Variants in PVT1 observed in about 807,000 individuals in gnomAD.
PVT1 encodes Pvt1 oncogene, also known as CXCR4/PVT1 fusion.
intron 2 of PVT1, among the ~76,000 whole-genome samples, chr8:127,875,751 G>A (rs1038749904): frequency 3.3e-5 from 5 of 152,150 alleles, no homozygotes; most frequent in African/African-American, 1.2e-4. Flanking sequence ...CAAGCTTCTA[G>A]CAACTGCTTC....
intron 4 of PVT1, among the ~76,000 whole-genome samples, chr8:127,990,014 G>C: frequency 6.6e-6 from 1 of 152,202 alleles, no homozygotes; most frequent in Non-Finnish European, 1.5e-5. Context: ...CTCCAAAAGG[G>C]AAGAGAGTTT....
intron 3 of PVT1, among the ~76,000 whole-genome samples, chr8:127,951,881 T>C (rs1475688370): frequency 6.6e-6 from 1 of 151,706 alleles, no homozygotes; most frequent in Admixed American, 6.6e-5. Context: ...AGTGGCATGA[T>C]CTCGGCTTAC....
At chr8:127,804,538 A>ATTTT (rs35404021) in intron 2 of PVT1, among the ~76,000 whole-genome samples, 4 of 112,706 alleles carry the variant, frequency 3.5e-5, no homozygotes, top group African/African-American at 1.4e-4. Flanking sequence ...TTGCATCCTG[A>ATTTT]TTTTTTTTTT....
intron 4 of PVT1, among the ~76,000 whole-genome samples, chr8:128,052,530 G>GAAA (rs1332344504): frequency 6.6e-6 from 1 of 152,180 alleles, no homozygotes; most frequent in Non-Finnish European, 1.5e-5. Context: ...TTCATGGGTG[G>GAAA]TTGTTCAAAT....
intron 3 of PVT1, among the ~76,000 whole-genome samples, chr8:127,949,129 A>T (rs555715790): frequency 4.6e-5 from 7 of 152,182 alleles, no homozygotes; most frequent in Non-Finnish European, 1.0e-4. Context: ...AGTGGAGCAC[A>T]GAGCTGTTAA....
chr8:128,032,934 C>T (rs1361750502), intron 4 of PVT1, among the ~76,000 whole-genome samples: 1 of 152,190 alleles, frequency 6.6e-6, no homozygotes, highest in East Asian at 1.9e-4. Context: ...AGTGACCTCA[C>T]CACACTGAGT....
At chr8:127,859,044 G>A (rs10106520) in intron 2 of PVT1, among the ~76,000 whole-genome samples, 2,056 of 152,064 alleles carry the variant, frequency 0.014, 19 homozygotes, top group African/African-American at 0.025. Flanking sequence ...CAGAGCTCGA[G>A]TGATTCTCCC....
intron 4 of PVT1, among the ~76,000 whole-genome samples, chr8:128,066,141 C>T (rs1423455156): frequency 1.3e-5 from 2 of 152,192 alleles, no homozygotes; most frequent in Non-Finnish European, 2.9e-5. Context: ...TAGTAAATTC[C>T]ATGTGACCTG....
intron 4 of PVT1, among the ~76,000 whole-genome samples, chr8:128,025,622 G>A (rs543482601): frequency 2.0e-5 from 3 of 152,292 alleles, no homozygotes; most frequent in East Asian, 1.9e-4. Flanking sequence ...ATTTAAATTC[G>A]TGCAGAATCT....
intron 2 of PVT1, among the ~76,000 whole-genome samples, chr8:127,890,197 G>A (rs1003014346): frequency 2.6e-4 from 40 of 152,170 alleles, no homozygotes; most frequent in African/African-American, 9.4e-4. Flanking sequence ...AAACCCCTCA[G>A]CTCCCTGCAG....
intron 3 of PVT1, among the ~76,000 whole-genome samples, chr8:127,962,745 C>T (rs1280042655): frequency 1.3e-5 from 2 of 152,058 alleles, no homozygotes; most frequent in Non-Finnish European, 2.9e-5. Context: ...TACAGGGGCA[C>T]ACCACTGCAC....
At chr8:128,031,102 C>G (rs1369529862) in intron 4 of PVT1, among the ~76,000 whole-genome samples, 1 of 152,234 alleles carries the variant, frequency 6.6e-6, no homozygotes, top group South Asian at 2.1e-4. Context: ...ACACTGGGGT[C>G]GGCGCACCTG....
intron 2 of PVT1, among the ~76,000 whole-genome samples, chr8:127,812,926 T>C (rs1814614898): frequency 6.6e-6 from 1 of 152,026 alleles, no homozygotes; most frequent in Non-Finnish European, 1.5e-5. Context: ...TTTTATAGTC[T>C]GCAAGAGCCC....
intron 3 of PVT1, among the ~76,000 whole-genome samples, chr8:127,907,132 T>A (rs551793883): frequency 5.5e-4 from 83 of 152,226 alleles, no homozygotes; most frequent in Admixed American, 1.4e-3. Flanking sequence ...GGCTAATTTT[T>A]ATTTTTAATT....
intron 3 of PVT1, among the ~76,000 whole-genome samples, chr8:127,929,618 A>T (rs1439160299): frequency 6.6e-6 from 1 of 152,172 alleles, no homozygotes; most frequent in Non-Finnish European, 1.5e-5. Flanking sequence ...TACAAAAAAA[A>T]TTAGCCGGGC....
At chr8:127,906,803 G>A (rs973642844) in intron 3 of PVT1, among the ~76,000 whole-genome samples, 1 of 152,148 alleles carries the variant, frequency 6.6e-6, no homozygotes, top group African/African-American at 2.4e-5. Context: ...TGCCTACTAT[G>A]TGCCAGGATT....
At chr8:127,802,198 A>G (rs145388562) in intron 2 of PVT1, among the ~76,000 whole-genome samples, 276 of 152,216 alleles carry the variant, frequency 1.8e-3, no homozygotes, top group African/African-American at 6.5e-3. Flanking sequence ...TACAGGTGTG[A>G]GCCACTGCAC....
chr8:127,821,215 G>C (rs1419617200), intron 2 of PVT1, among the ~76,000 whole-genome samples: 1 of 152,166 alleles, frequency 6.6e-6, no homozygotes, highest in Non-Finnish European at 1.5e-5. Context: ...CAGGAAACTT[G>C]GGGCTTCTTC....
intron 3 of PVT1, among the ~76,000 whole-genome samples, chr8:127,926,970 C>A (rs536843186): frequency 2.0e-5 from 3 of 152,218 alleles, no homozygotes; most frequent in African/African-American, 7.2e-5. Context: ...CCCTTCCTTC[C>A]CTCCTCCGTT....
Sources: allele counts gnomAD v4.1 joint callset (sites outside exome capture counted in the v4.1 genomes callset), GRCh38; gene constraint gnomAD v4.1.1; transcripts MANE v1.5; gene names NCBI Gene and HGNC (gene_info 2026-07-23, HGNC 2026-07-21).